GRM5: variants seen among roughly 807,000 people sequenced by gnomAD.
GRM5 encodes the protein metabotropic glutamate receptor 5.
GRM5 carries 19 observed loss-of-function variants against 83.1 expected under a neutral mutation model. The observed-to-expected ratio is 0.23, with a 90% CI of 0.16 to 0.34. The LOEUF (loss-of-function observed/expected upper bound fraction) is 0.34. Ranked by LOEUF, GRM5 falls within the 10% of genes least tolerant of loss-of-function variation. The pLI is 1.00. For missense variants in GRM5, 1,160 were observed against 1,588.3 expected (o/e 0.73, Z 4.58); for synonymous variants, 675 against 633.6 (o/e 1.07, Z -0.98).
At chr11:88,740,902 G>A (rs1266015735) in intron 3 of GRM5, among the ~76,000 whole-genome samples, 2 of 152,060 alleles carry the variant, frequency 1.3e-5, no homozygotes, top group East Asian at 3.9e-4. Flanking sequence ...GTCCTAGTAA[G>A]GATGGTGGAG....
intron 8 of GRM5, among the ~76,000 whole-genome samples, chr11:88,559,177 G>A (rs937285600): frequency 6.6e-6 from 1 of 152,130 alleles, no homozygotes; most frequent in African/African-American, 2.4e-5. Context: ...AAGCTTTTGT[G>A]TACTCTATTC....
At chr11:89,063,984 G>A (rs1310562674) in intron 1 of GRM5, among the ~76,000 whole-genome samples, 1 of 152,154 alleles carries the variant, frequency 6.6e-6, no homozygotes, top group Non-Finnish European at 1.5e-5. Flanking sequence ...GAGTGAGAAA[G>A]GGCACCTGTG....
At chr11:88,900,941 A>G (rs571264043) in intron 2 of GRM5, among the ~76,000 whole-genome samples, 1 of 152,168 alleles carries the variant, frequency 6.6e-6, no homozygotes, top group Non-Finnish European at 1.5e-5. Context: ...AGTATTGCCA[A>G]CTACAACTTC....
intron 3 of GRM5, among the ~76,000 whole-genome samples, chr11:88,753,825 G>C (rs1942336075): frequency 6.6e-6 from 1 of 152,074 alleles, no homozygotes; most frequent in African/African-American, 2.4e-5. Context: ...TGGCTGAGGA[G>C]GCCTCACAAT....
Position 88,814,297 on chromosome 11 carries a change from C to G in GRM5, c.911+35609G>C, listed in dbSNP as rs531606098. On this transcript the variant is annotated intron_variant, in intron 3 of 9. Coordinates refer to ENST00000305447, the MANE Select transcript of GRM5 (RefSeq NM_001143831.3). The stretch of plus-strand genomic sequence containing the variant: ...AGTCTGAGGACACAAAGGCTTCTAA[C>G]ATCTACAAGATAGAGGACTAGAGAA... Among the ~76,000 whole-genome samples, 3 of 152,314 alleles carry G rather than the reference C, an allele frequency of 2.0e-5. No individual in the cohort carries two copies. The South Asian group carries it at 6.2e-4, about 32-fold the overall frequency.
intron 2 of GRM5, among the ~76,000 whole-genome samples, chr11:88,997,215 TAC>T: frequency 6.6e-6 from 1 of 150,808 alleles, no homozygotes; most frequent in Admixed American, 6.6e-5. Flanking sequence ...TAATCCCAGC[TAC>T]TTGGGAGGCT....
At chr11:88,568,911 A>T (rs1460925570) in intron 7 of GRM5, among the ~76,000 whole-genome samples, 2 of 152,082 alleles carry the variant, frequency 1.3e-5, no homozygotes, top group Non-Finnish European at 2.9e-5. Flanking sequence ...GAAGTGCACC[A>T]CTCTCAAAAT....
intron 2 of GRM5, among the ~76,000 whole-genome samples, chr11:88,858,606 T>C (rs1238364428): frequency 2.0e-5 from 3 of 152,064 alleles, no homozygotes; most frequent in Non-Finnish European, 2.9e-5. Context: ...CTGCCATACA[T>C]GTTGAGGACA....
chr11:88,603,628 T>C (rs1938060184), intron 5 of GRM5, among the ~76,000 whole-genome samples: 1 of 151,904 alleles, frequency 6.6e-6, no homozygotes, highest in Non-Finnish European at 1.5e-5. Flanking sequence ...TTCAAGTCTC[T>C]GGAATAGAAG....
In GRM5 at chr11:89,026,936, T is replaced by A. The variant is rs539297663; in HGVS notation, c.661+20276A>T. Among the ~76,000 whole-genome samples the A allele has an allele frequency of 4.5e-4, 68 of 152,306 alleles. 1 individual carries two copies. In the South Asian group the frequency reaches 0.013, roughly 29 times the overall value. On this transcript the variant is annotated intron_variant, in intron 2 of 9. Coordinates refer to ENST00000305447, the MANE Select transcript of GRM5 (RefSeq NM_001143831.3). ...GAAGTGGAGGTGTTGAAGTAAGGAATGGTCAAATGATTGCACATGGGACAG... is the reference window on the plus strand; with the variant it reads ...GAAGTGGAGGTGTTGAAGTAAGGAAAGGTCAAATGATTGCACATGGGACAG...
rs1350091746 is a variant in GRM5, at chr11:88,575,408, CTTAT to C, written c.1691-7420_1691-7417del. Among the ~76,000 whole-genome samples the C allele has an allele frequency of 3.4e-5, 5 of 148,446 alleles. No individual in the cohort carries two copies. The South Asian group carries it at 8.4e-4, about 25-fold the overall frequency. ...TTAAAACTCTGTGGTTATCTACTAACTTATTTATTTATTTTATCTTTGCTACATC... is the reference window on the plus strand; with the variant it reads ...TTAAAACTCTGTGGTTATCTACTAACTTATTTATTTTATCTTTGCTACATC... On this transcript the variant is annotated intron_variant, in intron 7 of 9. Coordinates refer to ENST00000305447, the MANE Select transcript of GRM5 (RefSeq NM_001143831.3).
At chr11:89,055,049 T>C (rs1235818939) in intron 1 of GRM5, among the ~76,000 whole-genome samples, 2 of 152,350 alleles carry the variant, frequency 1.3e-5, no homozygotes, top group African/African-American at 4.8e-5. Flanking sequence ...TTCCATCCAT[T>C]CCTCCTTGGG....
chr11:89,059,279 C>A (rs181185760), intron 1 of GRM5, among the ~76,000 whole-genome samples: 61 of 152,242 alleles, frequency 4.0e-4, no homozygotes, highest in African/African-American at 1.4e-3. Context: ...TTTTACACTT[C>A]TTCTACAGTC....
intron 3 of GRM5, among the ~76,000 whole-genome samples, chr11:88,760,614 C>T (rs947552026): frequency 3.9e-5 from 6 of 151,982 alleles, no homozygotes; most frequent in African/African-American, 1.4e-4. Context: ...GATTCACAGC[C>T]AAATTCTACT....
At chr11:88,734,746 T>C (rs1436628463) in intron 3 of GRM5, among the ~76,000 whole-genome samples, 2 of 152,088 alleles carry the variant, frequency 1.3e-5, no homozygotes, top group Non-Finnish European at 2.9e-5. Context: ...TGTATCATTT[T>C]TCTTCAAAAT....
At chr11:88,699,976 C>A (rs558857297) in intron 3 of GRM5, among the ~76,000 whole-genome samples, 3 of 152,078 alleles carry the variant, frequency 2.0e-5, no homozygotes, top group African/African-American at 7.2e-5. Context: ...ATACCATAGA[C>A]CTTAGGGGAG....
intron 2 of GRM5, among the ~76,000 whole-genome samples, chr11:88,944,034 T>C (rs1194239299): frequency 2.6e-5 from 4 of 151,956 alleles, no homozygotes; most frequent in South Asian, 2.1e-4. Flanking sequence ...TGGCAGCAAA[T>C]AGATGATCCT....
intron 2 of GRM5, among the ~76,000 whole-genome samples, chr11:88,987,469 A>G (rs2135037595): frequency 6.6e-6 from 1 of 152,008 alleles, no homozygotes; most frequent in Non-Finnish European, 1.5e-5. Context: ...GCTTAGGTAA[A>G]CAAAGCAGCC....
intron 2 of GRM5, among the ~76,000 whole-genome samples, chr11:88,971,367 A>T (rs1939159739): frequency 1.3e-5 from 2 of 152,098 alleles, no homozygotes; most frequent in Non-Finnish European, 2.9e-5. Context: ...TTTGGTGTAC[A>T]GATTATTTCA....
Sources: allele counts gnomAD v4.1 joint callset (sites outside exome capture counted in the v4.1 genomes callset), GRCh38; gene constraint gnomAD v4.1.1; transcripts MANE v1.5; gene names NCBI Gene and HGNC (gene_info 2026-07-23, HGNC 2026-07-21).